The following RALGAPA2 variants were observed in gnomAD, a reference collection of about 807,000 sequenced individuals.
RALGAPA2 encodes the protein Ral GTPase activating protein catalytic subunit alpha 2, also known as ral GTPase-activating protein subunit alpha-2.
RALGAPA2 carries 139 observed loss-of-function variants against 230.4 expected under a neutral mutation model. The ratio of observed to expected loss-of-function variants is 0.60; its 90% CI spans 0.53 to 0.69. The LOEUF is 0.69. Among genes scored for constraint, RALGAPA2 ranks in the 30% least tolerant of loss-of-function variants. The probability of loss-of-function intolerance (pLI) is 0.00; values close to 1 mark genes in which losing one functional copy is unlikely to be tolerated. For missense variants in RALGAPA2, 2,163 were observed against 2,276.0 expected, an observed-to-expected ratio of 0.95 and a Z score of 1.01; for synonymous variants, 847 against 837.8, an observed-to-expected ratio of 1.01 and a Z score of -0.19.
chr20:20,459,273 C>T (rs1187946591), intron 37 of RALGAPA2, among the ~76,000 whole-genome samples: 1 of 152,122 alleles, frequency 6.6e-6, no homozygotes, highest in Non-Finnish European at 1.5e-5. Flanking sequence ...TAAAATACTT[C>T]AGATTACTAT....
intron 37 of RALGAPA2, among the ~76,000 whole-genome samples, chr20:20,448,127 GT>G (rs566014372): frequency 3.4e-4 from 52 of 152,236 alleles, no homozygotes; most frequent in Middle Eastern, 3.4e-3. Context: ...AGTAAAAATT[GT>G]TTTTGAAAAA....
intron 24 of RALGAPA2, among the ~76,000 whole-genome samples, chr20:20,537,905 A>C (rs2063540206): frequency 6.6e-6 from 1 of 152,198 alleles, no homozygotes; most frequent in Non-Finnish European, 1.5e-5. Context: ...CCAGTGAGAA[A>C]ACTGACGCCA....
At chr20:20,610,474 G>A (rs1230629879) in intron 14 of RALGAPA2, among the ~76,000 whole-genome samples, 4 of 152,194 alleles carry the variant, frequency 2.6e-5, no homozygotes, top group Non-Finnish European at 5.9e-5. Context: ...CTCTCTGCTC[G>A]CACCAAAGAC....
chr20:20,703,670 A>G (rs1325903691), intron 1 of RALGAPA2, among the ~76,000 whole-genome samples: 1 of 152,260 alleles, frequency 6.6e-6, no homozygotes, highest in African/African-American at 2.4e-5. Flanking sequence ...ACAGAGTTAC[A>G]TTTTATATGC....
At chr20:20,706,918 A>G (rs1333995350) in intron 1 of RALGAPA2, among the ~76,000 whole-genome samples, 1 of 152,180 alleles carries the variant, frequency 6.6e-6, no homozygotes, top group Non-Finnish European at 1.5e-5. Flanking sequence ...CAGTTGCAAA[A>G]AGATTCAATG....
chr20:20,646,188 A>C (rs909479637), intron 4 of RALGAPA2, among the ~76,000 whole-genome samples: 18 of 152,028 alleles, frequency 1.2e-4, no homozygotes, highest in Non-Finnish European at 7.4e-5. Flanking sequence ...CTGAGTAGCT[A>C]AGACTACAGG....
intron 20 of RALGAPA2, among the ~76,000 whole-genome samples, chr20:20,579,209 T>C (rs1474778298): frequency 1.3e-5 from 2 of 152,210 alleles, no homozygotes; most frequent in East Asian, 3.8e-4. Context: ...GTATTATTTC[T>C]AAAAAATTAA....
intron 4 of RALGAPA2, among the ~76,000 whole-genome samples, chr20:20,644,806 C>G (rs2067153030): frequency 6.6e-6 from 1 of 152,346 alleles, no homozygotes; most frequent in Admixed American, 6.5e-5. Flanking sequence ...CTTTCCTCAA[C>G]CTGGGGCCTT....
intron 38 of RALGAPA2, among the ~76,000 whole-genome samples, chr20:20,406,168 CT>C (rs1031529863): frequency 1.3e-5 from 2 of 151,852 alleles, no homozygotes; most frequent in Admixed American, 6.6e-5. Flanking sequence ...TCAGTTTTTT[CT>C]TTTTTTTCTT....
chr20:20,602,374 G>C (rs922000565), intron 15 of RALGAPA2, among the ~76,000 whole-genome samples: 1 of 152,162 alleles, frequency 6.6e-6, no homozygotes, highest in Non-Finnish European at 1.5e-5. Flanking sequence ...TTTTAGCAAA[G>C]GTCCAAAACA....
intron 27 of RALGAPA2, among the ~76,000 whole-genome samples, chr20:20,530,717 G>A (rs868857911): frequency 6.6e-6 from 1 of 152,212 alleles, no homozygotes; most frequent in African/African-American, 2.4e-5. Context: ...GCTGGTGTTA[G>A]GTGGATGGTT....
chr20:20,698,020 AAT>A (rs1182290202), intron 1 of RALGAPA2, among the ~76,000 whole-genome samples: 1 of 152,116 alleles, frequency 6.6e-6, no homozygotes, highest in Admixed American at 6.5e-5. Context: ...AAGAATTACA[AAT>A]ACAAATGTAC....
In RALGAPA2 at chr20:20,446,653, A is replaced by G. The variant is rs373293333; in HGVS notation, c.5495+26176T>C. ...GCTCAGCACTGCCCTGGGTTATACA[A>G]AGCTGACCTGCGTGGCTACAGGTAT... On this transcript the variant is annotated intron_variant, in intron 37 of 39. Coordinates refer to ENST00000202677, the MANE Select transcript of RALGAPA2 (RefSeq NM_020343.4). Among the ~76,000 whole-genome samples the G allele has an allele frequency of 2.6e-5, 4 of 152,354 alleles. No homozygotes were observed. In the East Asian group the frequency reaches 7.7e-4, roughly 29 times the overall value.
chr20:20,462,864 T>G (rs1457784922), intron 37 of RALGAPA2, among the ~76,000 whole-genome samples: 1 of 152,216 alleles, frequency 6.6e-6, no homozygotes, highest in African/African-American at 2.4e-5. Flanking sequence ...TTTTTAGAGA[T>G]TTGAATAACA....
At chr20:20,569,611 A>G (rs2064558854) in intron 23 of RALGAPA2, among the ~76,000 whole-genome samples, 1 of 152,202 alleles carries the variant, frequency 6.6e-6, no homozygotes, top group Non-Finnish European at 1.5e-5. Flanking sequence ...TCTTTTGTCT[A>G]TACTATAAAA....
At chr20:20,565,852 G>GA (rs1296701478) in intron 23 of RALGAPA2, among the ~76,000 whole-genome samples, 1 of 152,228 alleles carries the variant, frequency 6.6e-6, no homozygotes, top group Non-Finnish European at 1.5e-5. Context: ...GCACTTTGCA[G>GA]AGCAGTTACT....
At chr20:20,665,677 T>A (rs537439397) in intron 3 of RALGAPA2, among the ~76,000 whole-genome samples, 1 of 152,230 alleles carries the variant, frequency 6.6e-6, no homozygotes, top group Non-Finnish European at 1.5e-5. Context: ...GAAAAGTGCA[T>A]GCAAAGAATC....
intron 16 of RALGAPA2, among the ~76,000 whole-genome samples, chr20:20,597,519 A>G (rs943026229): frequency 6.6e-6 from 1 of 152,182 alleles, no homozygotes; most frequent in Non-Finnish European, 1.5e-5. Context: ...TTGCTTTGCT[A>G]AAACACAGTA....
chr20:20,430,417 A>G (rs934175990), intron 37 of RALGAPA2, among the ~76,000 whole-genome samples: 6 of 152,016 alleles, frequency 3.9e-5, no homozygotes, highest in African/African-American at 1.4e-4. Flanking sequence ...GGGCCACATC[A>G]CCTCCTTGTC....
Sources: gnomAD v4.1 joint callset for allele counts (sites outside exome capture counted in the v4.1 genomes callset) on GRCh38, gnomAD v4.1.1 for gene constraint, MANE v1.5 for transcripts, NCBI Gene and HGNC (gene_info 2026-07-23, HGNC 2026-07-21) for gene names.